The following ARHGEF37 variants were observed in gnomAD, a reference collection of about 807,000 sequenced individuals.
ARHGEF37 encodes the protein Rho guanine nucleotide exchange factor 37.
A neutral mutation model predicts 71.1 loss-of-function variants in ARHGEF37; 55 were observed. The observed-to-expected ratio is 0.77, with a 90% CI of 0.62 to 0.97. The LOEUF is 0.97. Ranked by LOEUF, ARHGEF37 falls within the 50% of genes least tolerant of loss-of-function variation. The pLI is 0.00. For missense variants in ARHGEF37, 765 were observed against 836.8 expected (o/e 0.91, Z 1.06); for synonymous variants, 327 against 350.6 (o/e 0.93, Z 0.75).
intron 4 of ARHGEF37, among the ~76,000 whole-genome samples, chr5:149,611,431 A>T (rs1042588932): frequency 6.6e-6 from 1 of 152,258 alleles, no homozygotes; most frequent in African/African-American, 2.4e-5. Flanking sequence ...CAGTGCTGGC[A>T]TCTAGCTCAG....
chr5:149,590,181 G>A (rs1194770946), intron 1 of ARHGEF37, among the ~76,000 whole-genome samples: 1 of 138,508 alleles, frequency 7.2e-6, no homozygotes, highest in African/African-American at 2.5e-5. Flanking sequence ...GTGCCAGTGT[G>A]AACAGAAGAG....
At chr5:149,590,706 G>A (rs1763380575) in intron 1 of ARHGEF37, among the ~76,000 whole-genome samples, 1 of 151,420 alleles carries the variant, frequency 6.6e-6, no homozygotes, top group African/African-American at 2.4e-5. Context: ...GAGAATGGCT[G>A]CCACCTCAGA....
upstream of ARHGEF37, among the ~76,000 whole-genome samples, chr5:149,580,439 C>T (rs192327902): frequency 4.2e-3 from 632 of 152,252 alleles, 8 homozygotes; most frequent in African/African-American, 0.014. Flanking sequence ...CAAGAGGAGA[C>T]ACTTTTCTGG....
At chr5:149,631,857 G>T (rs944624329) in intron 12 of ARHGEF37, 125 bp from the exon 13 acceptor site, 7 of 871,000 alleles carry the variant, frequency 8.0e-6, no homozygotes, top group African/African-American at 1.7e-5. Context: ...TACTTGGGAG[G>T]TGACGAGCAT....
chr5:149,633,276 G>A lies in ARHGEF37; in HGVS notation c.*1085G>A, dbSNP rs1298151503. The A allele has an allele frequency of 1.3e-5, 2 of 152,328 alleles. No homozygotes were observed. The highest frequency in any genetic ancestry group is 4.8e-5 in the African/African-American group (2 of 41,474). The allele number at this position is 152,328 out of a possible 1,614,324, so 9.4% of individuals were successfully genotyped here. On this transcript the variant is annotated 3_prime_UTR_variant, in exon 13 of 13. Coordinates refer to ENST00000333677, the MANE Select transcript of ARHGEF37 (RefSeq NM_001001669.3). ...TGTGAAGTGTGATACAAATGTAAATGACAGCAGTGATCTCGGGGTGGCCCC... is the reference window on the plus strand; with the variant it reads ...TGTGAAGTGTGATACAAATGTAAATAACAGCAGTGATCTCGGGGTGGCCCC...
intron 3 of ARHGEF37, among the ~76,000 whole-genome samples, chr5:149,607,916 G>A (rs1008876640): frequency 5.9e-5 from 9 of 151,652 alleles, no homozygotes; most frequent in African/African-American, 1.7e-4. Context: ...ACAGGTGCCC[G>A]CCACCATGCC....
Position 149,621,997 on chromosome 5 carries a change from T to C in ARHGEF37, c.1270T>C (p.Phe424Leu). 6.2e-7 allele frequency: 1 copy of C among 1,614,116 alleles called. No individual in the cohort carries two copies. The highest frequency in any genetic ancestry group is 1.1e-5 in the South Asian group (1 of 91,076). ...MQWLGQIMCT[F>L]VTLQRDLAKQ... Reference sequence around the variant, plus strand: ...GTGGCTGGGCCAGATCATGTGCACATTCGTGACCCTCCAGAGGGACCTTGC... The same window carrying C: ...GTGGCTGGGCCAGATCATGTGCACACTCGTGACCCTCCAGAGGGACCTTGC... The change falls in exon 9 of 13, where the codon TTC (phenylalanine) becomes CTC (leucine). Residue 424 changes from phenylalanine (F) to leucine (L), a missense_variant. By Grantham distance (22) the Phe-to-Leu change is conservative. This residue lies in a region of ARHGEF37 where 390 missense variants were observed against 407.4 expected (regional missense o/e 0.96). Coordinates refer to ENST00000333677, the MANE Select transcript of ARHGEF37 (RefSeq NM_001001669.3).
At chr5:149,591,755 A>G (rs1246471251) in intron 1 of ARHGEF37, among the ~76,000 whole-genome samples, 1 of 152,198 alleles carries the variant, frequency 6.6e-6, no homozygotes, top group Non-Finnish European at 1.5e-5. Context: ...ACTGTATTCA[A>G]TTAATTACTC....
chr5:149,613,208 A>G (rs955313268), intron 4 of ARHGEF37, among the ~76,000 whole-genome samples: 1 of 152,270 alleles, frequency 6.6e-6, no homozygotes, highest in Non-Finnish European at 1.5e-5. Context: ...AACAAAAGGA[A>G]AGTTCCAATA....
intron 1 of ARHGEF37, among the ~76,000 whole-genome samples, chr5:149,582,440 A>C (rs957008908): frequency 1.3e-5 from 2 of 152,210 alleles, no homozygotes; most frequent in African/African-American, 4.8e-5. Flanking sequence ...GTGATCCAGG[A>C]AGCATAGTTT....
intron 1 of ARHGEF37, among the ~76,000 whole-genome samples, chr5:149,571,075 T>C (rs2113246662): frequency 6.6e-6 from 1 of 151,972 alleles, no homozygotes; most frequent in South Asian, 2.1e-4. Flanking sequence ...CCCAAGTAGC[T>C]GGGATTGCAG....
intron 3 of ARHGEF37, among the ~76,000 whole-genome samples, chr5:149,607,508 T>C (rs1763946317): frequency 6.6e-6 from 1 of 152,372 alleles, no homozygotes; most frequent in South Asian, 2.1e-4. Context: ...ACTTATCATA[T>C]GTGTATTGTC....
chr5:149,598,263 CTCTTCT>C (rs70973531), intron 2 of ARHGEF37, among the ~76,000 whole-genome samples: 2,604 of 67,772 alleles, frequency 0.038, 145 homozygotes, highest in African/African-American at 0.055. Flanking sequence ...CTTAAACTGA[CTCTTCT>C]TCTTCTTCTT....
rs555547975 is a variant in ARHGEF37 at position 149,574,329 on chromosome 5, G to C, written c.-12+22206G>C. On this transcript the variant is annotated intron_variant, in intron 1 of 2. Transcript: ENST00000505810. ...TTCAGACAATACTTGGAAGGGTACT[G>C]ATCCAGAATTTCAACTATAATTTTA... Among the ~76,000 whole-genome samples the C allele has an allele frequency of 2.0e-4, 30 of 152,338 alleles. 1 individual carries two copies. Among genetic ancestry groups the C allele is most frequent in the African/African-American group, 6.5e-4 (27 of 41,574 alleles).
intron 3 of ARHGEF37, among the ~76,000 whole-genome samples, chr5:149,602,528 C>G (rs550072374): frequency 6.6e-6 from 1 of 151,356 alleles, no homozygotes; most frequent in Non-Finnish European, 1.5e-5. Flanking sequence ...CACTCTGTTG[C>G]CCAGTCTAGA....
intron 1 of ARHGEF37, among the ~76,000 whole-genome samples, chr5:149,555,097 C>T (rs1421494781): frequency 6.7e-6 from 1 of 148,174 alleles, no homozygotes; most frequent in Non-Finnish European, 1.5e-5. Flanking sequence ...TGCCATTGCA[C>T]TCCACCCTGG....
chr5:149,575,671 ATT>A (rs751297275), intron 1 of ARHGEF37, among the ~76,000 whole-genome samples: 249 of 107,234 alleles, frequency 2.3e-3, no homozygotes, highest in African/African-American at 8.1e-3. Flanking sequence ...CCAAATGACT[ATT>A]TTTTTTTTTT....
chr5:149,564,394 A>C (rs937745477), intron 1 of ARHGEF37, among the ~76,000 whole-genome samples: 2 of 152,154 alleles, frequency 1.3e-5, no homozygotes, highest in Non-Finnish European at 2.9e-5. Context: ...TCAAGGTTGC[A>C]TCTTGTACTT....
At chr5:149,580,958 T>G (rs1467282854), upstream of ARHGEF37, among the ~76,000 whole-genome samples, 1 of 152,146 alleles carries the variant, frequency 6.6e-6, no homozygotes, top group Non-Finnish European at 1.5e-5. Flanking sequence ...ACTGTTGTGT[T>G]CTCTGTGCCC....
Sources: gnomAD v4.1 joint callset for allele counts (sites outside exome capture counted in the v4.1 genomes callset) on GRCh38, gnomAD v4.1.1 for gene constraint, gnomAD v4.1.1 regional missense constraint, MANE v1.5 for transcripts, NCBI Gene and HGNC (gene_info 2026-07-23, HGNC 2026-07-21) for gene names.